FREM3: variants seen among roughly 807,000 people sequenced by gnomAD.
The protein encoded by FREM3 is FRAS1 related extracellular matrix 3.
FREM3 carries 105 observed loss-of-function variants against 129.1 expected under a neutral mutation model. The ratio of observed to expected loss-of-function variants is 0.81; its 90% CI spans 0.69 to 0.96. The LOEUF (loss-of-function observed/expected upper bound fraction) is 0.96. Among genes scored for constraint, FREM3 ranks in the 40% least tolerant of loss-of-function variants. The pLI is 0.00. For missense variants in FREM3, 2,593 were observed against 2,666.3 expected (o/e 0.97, Z 0.61); for synonymous variants, 1,014 against 1,044.9 (o/e 0.97, Z 0.57).
chr4:143,698,403 C>T lies in FREM3; in HGVS notation c.2273G>A (p.Arg758Gln), dbSNP rs1189448584. ...PTDTDGNHQV[R>Q]AGEIVLTDSP... ...ATCAGTGAGCACAATTTCTCCAGCC[C>T]GGACTTGGTGGTTGCCATCTGTGTC... Residue 758 changes from arginine (R) to glutamine (Q), a missense_variant, in exon 1 of 8, where the codon CGG becomes CAG. By Grantham distance (43) the Arg-to-Gln change is conservative. Around this residue, in one of 2 missense-constraint regions of FREM3, gnomAD observed 2,276 missense variants for 2,267.2 expected, o/e 1.00. Coordinates refer to ENST00000329798, the MANE Select transcript of FREM3 (RefSeq NM_001168235.2). The T allele has an allele frequency of 9.8e-6, 15 of 1,537,698 alleles. No individual in the cohort carries two copies. The highest frequency in any genetic ancestry group is 3.9e-5 in the Admixed American group (2 of 50,972).
rs562074355 is a variant in FREM3 at position 143,694,944 on chromosome 4, A to C, written c.5185+547T>G. 3.3e-5 allele frequency among the ~76,000 whole-genome samples: 5 copies of C among 152,372 alleles called. No homozygotes were observed. The East Asian group carries it at 9.6e-4, about 29-fold the overall frequency. On this transcript the variant is annotated intron_variant, in intron 1 of 7. Transcript: ENST00000329798. ...TGGGAAAGTAGAGGGACCTGCCTCTAGCTCATGATTAGTAGTGACACCAAA... is the reference window on the plus strand; with the variant it reads ...TGGGAAAGTAGAGGGACCTGCCTCTCGCTCATGATTAGTAGTGACACCAAA...
rs1316895757 is a variant in FREM3 at position 143,699,995 on chromosome 4, C to T, written c.681G>A (p.Val227=). The T allele has an allele frequency of 2.0e-6, 3 of 1,500,614 alleles. No individual in the cohort carries two copies. In the South Asian group the frequency reaches 3.8e-5, roughly 19 times the overall value. The allele number at this position is 1,500,614 out of a possible 1,614,324, so 93.0% of individuals were successfully genotyped here. Residue 227 remains valine, a synonymous_variant, in exon 1 of 8, where the codon GTG becomes GTA. Coordinates refer to ENST00000329798, the MANE Select transcript of FREM3 (RefSeq NM_001168235.2). This position sits in a 1 kb window ranked among gnomAD's most constrained non-coding sequence, Gnocchi z 4.2. ...TGGGGAGAGGGGCCCCCACCGCGTCCACCAAGCGCCCGTACTTGGGCAGGG... is the reference window on the plus strand; with the variant it reads ...TGGGGAGAGGGGCCCCCACCGCGTCTACCAAGCGCCCGTACTTGGGCAGGG... ...DGPLPKYGRL[V]DAVGAPLPRG... is the part of the protein sequence containing the mutation.
intron 2 of FREM3, among the ~76,000 whole-genome samples, chr4:143,638,671 A>T (rs1560853759): frequency 6.6e-6 from 1 of 151,990 alleles, no homozygotes; most frequent in Admixed American, 6.6e-5. Context: ...ACTATGTTTG[A>T]TCCCTATGCT....
intron 2 of FREM3, among the ~76,000 whole-genome samples, chr4:143,629,339 A>C (rs1739099728): frequency 6.6e-6 from 1 of 152,214 alleles, no homozygotes; most frequent in Non-Finnish European, 1.5e-5. Flanking sequence ...TCTGATCTAT[A>C]GTTGCAAAGA....
intron 6 of FREM3, among the ~76,000 whole-genome samples, chr4:143,594,042 A>T (rs1738418522): frequency 6.6e-6 from 1 of 152,176 alleles, no homozygotes; most frequent in African/African-American, 2.4e-5. Context: ...GCAGGATATA[A>T]TCTCCTGGTG....
chr4:143,671,073 G>T (rs1326374447), intron 2 of FREM3, among the ~76,000 whole-genome samples: 1 of 151,948 alleles, frequency 6.6e-6, no homozygotes, highest in Non-Finnish European at 1.5e-5. Context: ...CATCCACAAT[G>T]GTAATCAATA....
intron 2 of FREM3, among the ~76,000 whole-genome samples, chr4:143,678,525 G>C (rs1460290438): frequency 6.6e-6 from 1 of 151,538 alleles, no homozygotes; most frequent in Non-Finnish European, 1.5e-5. Context: ...ATGTACCCTA[G>C]AACTGAAAGT....
At chr4:143,629,678 T>C (rs1739105039) in intron 2 of FREM3, among the ~76,000 whole-genome samples, 1 of 152,218 alleles carries the variant, frequency 6.6e-6, no homozygotes, top group South Asian at 2.1e-4. Context: ...TTTTTTTGTG[T>C]CTTTTTCATA....
intron 7 of FREM3, among the ~76,000 whole-genome samples, chr4:143,581,755 C>G (rs1354793345): frequency 2.0e-5 from 3 of 151,992 alleles, no homozygotes; most frequent in African/African-American, 7.3e-5. Context: ...TGGCTCAAGA[C>G]CACAGCACAG....
intron 6 of FREM3, among the ~76,000 whole-genome samples, chr4:143,593,102 C>G (rs1738396658): frequency 1.3e-5 from 2 of 152,204 alleles, no homozygotes; most frequent in African/African-American, 4.8e-5. Flanking sequence ...CCTTTAAGGA[C>G]TTCTCTGCAT....
chr4:143,588,976 G>A (rs1180865315), intron 6 of FREM3, among the ~76,000 whole-genome samples: 9 of 151,764 alleles, frequency 5.9e-5, no homozygotes, highest in African/African-American at 2.2e-4. Context: ...GTTTTGATTT[G>A]CATTTCTCTG....
In FREM3 at chr4:143,577,505, G is replaced by A. The variant is rs528383406; in HGVS notation, c.*106C>T. The A allele has an allele frequency of 5.7e-6, 6 of 1,061,152 alleles. No individual in the cohort carries two copies. In the African/African-American group the frequency reaches 9.6e-5, roughly 17 times the overall value. 65.7% of individuals were successfully genotyped at this position (1,061,152 alleles called of 1,614,324 possible). ...TCACCAGAATATAACACCAATGACAGTACAATATCACTGATATCCCAGAAT... is the reference window on the plus strand; with the variant it reads ...TCACCAGAATATAACACCAATGACAATACAATATCACTGATATCCCAGAAT... On this transcript the variant is annotated 3_prime_UTR_variant, in exon 8 of 8. Transcript: ENST00000329798.
intron 6 of FREM3, among the ~76,000 whole-genome samples, chr4:143,603,115 AT>A (rs1738601770): frequency 6.6e-6 from 1 of 152,004 alleles, no homozygotes; most frequent in Non-Finnish European, 1.5e-5. Flanking sequence ...GTAATTTATA[AT>A]TTGTCATTTT....
intron 2 of FREM3, among the ~76,000 whole-genome samples, chr4:143,687,045 T>C (rs1004353420): frequency 6.6e-6 from 1 of 151,918 alleles, no homozygotes; most frequent in Non-Finnish European, 1.5e-5. Context: ...ACAAAAAATA[T>C]ATTTTTTTCA....
At chr4:143,695,393 C>CT (rs1363062139) in intron 1 of FREM3, 98 bp downstream of exon 1, 2 of 1,033,626 alleles carry the variant, frequency 1.9e-6, no homozygotes, top group Non-Finnish European at 2.7e-6. Flanking sequence ...AAGAATCTTA[C>CT]TGCAAATGGC....
chr4:143,595,979 T>C (rs1372711130), intron 6 of FREM3, among the ~76,000 whole-genome samples: 1 of 151,058 alleles, frequency 6.6e-6, no homozygotes, highest in Non-Finnish European at 1.5e-5. Context: ...TGAGTGAGAA[T>C]TGACCAATGA....
chr4:143,640,973 A>G (rs1228833382), intron 2 of FREM3, among the ~76,000 whole-genome samples: 1 of 152,172 alleles, frequency 6.6e-6, no homozygotes, highest in Admixed American at 6.5e-5. Context: ...GTTGTACTTG[A>G]TTGGCATTAA....
chr4:143,594,064 A>G (rs1738418950), intron 6 of FREM3, among the ~76,000 whole-genome samples: 1 of 152,156 alleles, frequency 6.6e-6, no homozygotes, highest in Non-Finnish European at 1.5e-5. Context: ...GCCGTTTGAG[A>G]AGCCCGTTGG....
intron 2 of FREM3, among the ~76,000 whole-genome samples, chr4:143,636,484 G>T (rs1416212988): frequency 6.6e-6 from 1 of 151,856 alleles, no homozygotes; most frequent in African/African-American, 2.4e-5. Flanking sequence ...GAATAGGAAT[G>T]GCTTAGAAAG....
Sources: gnomAD v4.1 joint callset for allele counts (sites outside exome capture counted in the v4.1 genomes callset) on GRCh38, gnomAD v4.1.1 for gene constraint, gnomAD v4.1.1 regional missense constraint, Gnocchi (gnomAD v3.1) non-coding constraint, MANE v1.5 for transcripts, NCBI Gene and HGNC (gene_info 2026-07-23, HGNC 2026-07-21) for gene names.